RYR2: variants seen among roughly 807,000 people sequenced by gnomAD.
RYR2 encodes the protein cardiac muscle ryanodine receptor-calcium release channel.
RYR2 carries 227 observed loss-of-function variants against 601.1 expected under a neutral mutation model. That is an observed-to-expected ratio of 0.38 (90% confidence interval 0.34 to 0.42). The LOEUF is 0.42. RYR2 is among the 10% of genes least tolerant of loss of function. RYR2 has a pLI of 1.00. For synonymous variants in RYR2, 2,223 were observed against 2,175.1 expected (o/e 1.02, Z -0.61); for missense variants, 4,646 against 6,156.5 (o/e 0.75, Z 8.21).
At chr1:237,631,335 C>T (rs1348316102) in intron 41 of RYR2, 92 bp from the exon 42 acceptor site, 2 of 780,176 alleles carry the variant, frequency 2.6e-6, no homozygotes, top group South Asian at 1.7e-5. Context: ...TTTCAACTCA[C>T]ATAAATTATT....
At chr1:237,804,983 CAG>C (rs1660451040) in intron 98 of RYR2, among the ~76,000 whole-genome samples, 1 of 152,070 alleles carries the variant, frequency 6.6e-6, no homozygotes, top group Admixed American at 6.6e-5. Context: ...TGTCATGACT[CAG>C]GGGAGAGGTG....
At chr1:237,182,232 C>G (rs527893293) in intron 1 of RYR2, among the ~76,000 whole-genome samples, 1 of 152,132 alleles carries the variant, frequency 6.6e-6, no homozygotes, top group East Asian at 1.9e-4. Context: ...ATCAATTCTC[C>G]TTCCTCAGCC....
At chr1:237,460,240 T>C (rs924699682) in intron 16 of RYR2, among the ~76,000 whole-genome samples, 3 of 152,078 alleles carry the variant, frequency 2.0e-5, no homozygotes, top group Non-Finnish European at 4.4e-5. Context: ...TGTGAAAGAG[T>C]GTGCTATTTC....
intron 58 of RYR2, among the ~76,000 whole-genome samples, chr1:237,672,942 C>T (rs1685085769): frequency 6.6e-6 from 1 of 152,114 alleles, no homozygotes; most frequent in South Asian, 2.1e-4. Context: ...GTTCAGTGGG[C>T]GATTGCATGT....
At chr1:237,463,144 A>G (rs1280092384) in intron 16 of RYR2, among the ~76,000 whole-genome samples, 3 of 152,114 alleles carry the variant, frequency 2.0e-5, no homozygotes, top group Non-Finnish European at 2.9e-5. Context: ...GTTAATCTCA[A>G]TATTTTGAAA....
chr1:237,811,583 G>T (rs1402148583), intron 100 of RYR2, among the ~76,000 whole-genome samples: 2 of 152,132 alleles, frequency 1.3e-5, no homozygotes, highest in Non-Finnish European at 2.9e-5. Flanking sequence ...TTGCAGGTTA[G>T]TTAAAAATTG....
At chr1:237,512,019 G>C (rs914442077) in intron 24 of RYR2, among the ~76,000 whole-genome samples, 2 of 151,960 alleles carry the variant, frequency 1.3e-5, no homozygotes, top group African/African-American at 4.8e-5. Flanking sequence ...TTTTGCAAAG[G>C]GTGTCCTACA....
At chr1:237,068,873 G>C (rs967973133) in intron 1 of RYR2, among the ~76,000 whole-genome samples, 1 of 151,972 alleles carries the variant, frequency 6.6e-6, no homozygotes, top group Non-Finnish European at 1.5e-5. Context: ...CTTCCAACCT[G>C]CTCCTAGGTG....
At chr1:237,193,934 C>T (rs764308244) in intron 1 of RYR2, among the ~76,000 whole-genome samples, 12 of 152,292 alleles carry the variant, frequency 7.9e-5, no homozygotes, top group South Asian at 4.1e-4. Flanking sequence ...CTTTCTCTTG[C>T]GTCAAACATT....
chr1:237,182,302 A>T (rs1678860084), intron 1 of RYR2, among the ~76,000 whole-genome samples: 1 of 151,878 alleles, frequency 6.6e-6, no homozygotes, highest in Admixed American at 6.6e-5. Flanking sequence ...TTGTATTTTT[A>T]GTAGAGACGG....
In RYR2 at chr1:237,633,803, C is replaced by A. The variant is rs1967580; in HGVS notation, c.6688+93C>A. 343,306 of 1,216,298 alleles carry A rather than the reference C, an allele frequency of 0.28. 50,018 individuals are homozygous for A. The highest frequency in any genetic ancestry group is 0.4 in the East Asian group (15,552 of 38,770). The allele number at this position is 1,216,298 out of a possible 1,614,324, so 75.3% of individuals were successfully genotyped here. A position where few individuals can be genotyped will look rare whatever the true frequency, so the allele number is the denominator to read the frequency against. On this transcript the variant is annotated intron_variant, in intron 43 of 104. Transcript: ENST00000366574. The stretch of plus-strand genomic sequence containing the variant: ...GTTTTGTTAAAAAATGTGCAATGGA[C>A]CTGAATAGACATTTCACAAAAGAAG...
intron 2 of RYR2, among the ~76,000 whole-genome samples, chr1:237,295,215 C>T (rs1160984607): frequency 6.6e-6 from 1 of 151,736 alleles, no homozygotes; most frequent in Non-Finnish European, 1.5e-5. Flanking sequence ...AAGAGAAAGA[C>T]CCTGTCTCCA....
intron 33 of RYR2, among the ~76,000 whole-genome samples, chr1:237,595,045 T>G (rs1354067818): frequency 3.3e-5 from 5 of 151,504 alleles, no homozygotes; most frequent in Non-Finnish European, 5.9e-5. Context: ...AGAATTTGCC[T>G]AAGGACTTTG....
intron 1 of RYR2, among the ~76,000 whole-genome samples, chr1:237,074,761 G>T (rs147957504): frequency 6.6e-6 from 1 of 152,182 alleles, no homozygotes; most frequent in Non-Finnish European, 1.5e-5. Context: ...AAGACTGGGG[G>T]AGGGCAGTCC....
Position 237,640,999 on chromosome 1 carries a change from G to T in RYR2, c.7218G>T (p.Met2406Ile), listed in dbSNP as rs968244970. The T allele has an allele frequency of 1.2e-6, 2 of 1,607,672 alleles. No individual in the cohort carries two copies. Among genetic ancestry groups the T allele is most frequent in the South Asian group, 2.2e-5 (2 of 89,890 alleles). Reference protein sequence around the residue: ...IDLLGRCAPEMHLIHAGKGEA... With the variant: ...IDLLGRCAPEIHLIHAGKGEA... ...TCTTGGGACGCTGTGCTCCTGAGAT[G>T]CATGTGAGTTTCTGGGAGTTCAGGA... Residue 2406 changes from methionine (M) to isoleucine (I), a missense_variant, in exon 47 of 105, where the codon ATG becomes ATT. Physicochemically the swap from Met to Ile is conservative, Grantham distance 10. Transcript: ENST00000366574.
At chr1:237,377,504 T>C in intron 8 of RYR2, 69 bp downstream of exon 8, 3 of 1,160,386 alleles carry the variant, frequency 2.6e-6, no homozygotes, top group Non-Finnish European at 3.8e-6. Flanking sequence ...ATGATCTCTT[T>C]AAGGTTTATA....
At chr1:237,290,647 A>G (rs1692091993) in intron 2 of RYR2, among the ~76,000 whole-genome samples, 1 of 152,338 alleles carries the variant, frequency 6.6e-6, no homozygotes, top group East Asian at 1.9e-4. Flanking sequence ...TGTAAAGCAA[A>G]CAAATAAAAC....
chr1:237,568,622 T>C (rs1296770087), intron 28 of RYR2, among the ~76,000 whole-genome samples: 2 of 152,230 alleles, frequency 1.3e-5, no homozygotes, highest in African/African-American at 4.8e-5. Flanking sequence ...GAAATGCTTC[T>C]AGATTTCCAT....
intron 3 of RYR2, among the ~76,000 whole-genome samples, chr1:237,345,332 G>C (rs2149637987): frequency 6.6e-6 from 1 of 151,940 alleles, no homozygotes; most frequent in South Asian, 2.1e-4. Flanking sequence ...ATAGTATATA[G>C]ATCTAAAATG....
Sources: allele counts gnomAD v4.1 joint callset (sites outside exome capture counted in the v4.1 genomes callset), GRCh38; gene constraint gnomAD v4.1.1; transcripts MANE v1.5; gene names NCBI Gene and HGNC (gene_info 2026-07-23, HGNC 2026-07-21).